The following NXNL1 variants were observed in gnomAD, a reference collection of about 807,000 sequenced individuals.
NXNL1 encodes nucleoredoxin like 1.
A neutral mutation model predicts 7.2 loss-of-function variants in NXNL1; 6 were observed. That is an observed-to-expected ratio of 0.83 (90% CI 0.46 to 1.64). The LOEUF is 1.64. Ranked by LOEUF, NXNL1 falls within the 40% of genes most tolerant of loss-of-function variation. The pLI is 0.01. For synonymous variants in NXNL1, 133 were observed against 127.2 expected (o/e 1.05, Z -0.31); for missense variants, 308 against 285.1 (o/e 1.08, Z -0.58).
intron 1 of NXNL1, among the ~76,000 whole-genome samples, chr19:17,456,851 A>C (rs373108491): frequency 2.6e-5 from 4 of 152,122 alleles, no homozygotes; most frequent in African/African-American, 9.6e-5. Context: ...GATCGAGACC[A>C]TCCTGGCTAA....
At chr19:17,456,307 C>CAAATAAAT (rs79711612) in intron 1 of NXNL1, among the ~76,000 whole-genome samples, 24,410 of 140,274 alleles carry the variant, frequency 0.17, 2,352 homozygotes, top group African/African-American at 0.22. Context: ...CCTGTCTCTA[C>CAAATAAAT]AAATAAATAA....
rs1377462851 is a variant in NXNL1, at chr19:17,455,651, A to G, written c.635T>C (p.Phe212Ser). 1.5e-6 allele frequency: 2 copies of G among 1,350,304 alleles called. No homozygotes were observed. The highest frequency in any genetic ancestry group is 2.0e-5 in the Admixed American group (1 of 49,852). The allele number at this position is 1,350,304 out of a possible 1,614,324, so 83.6% of individuals were successfully genotyped here. A position where few individuals can be genotyped will look rare whatever the true frequency, so the allele number is the denominator to read the frequency against. The change falls in exon 2 of 2, where the codon TTC becomes TCC. Residue 212 changes from phenylalanine to serine, a missense_variant. Phe to Ser is a radical substitution (Grantham distance 155). Transcript: ENST00000301944. Reference protein sequence around the residue: ...GGEEGGAGGLF With the variant: ...GGEEGGAGGLS Reference sequence around the variant, plus strand: ...CCTCTCCTCCACCCTAGCGGGTCAGAACAGCCCCCCGGCCCCGCCCTCCTC... The same window carrying G: ...CCTCTCCTCCACCCTAGCGGGTCAGGACAGCCCCCCGGCCCCGCCCTCCTC...
Position 17,455,808 on chromosome 19 carries a change from C to CCAG in NXNL1, c.475_477dup (p.Leu159dup). Reference sequence around the variant, plus strand: ...TCCTCTGGCAGCTGGAAGTTGCGGTCCAGCACCTCGGCCGCCTCCTGCCAG... The same window carrying CCAG: ...TCCTCTGGCAGCTGGAAGTTGCGGTCCAGCAGCACCTCGGCCGCCTCCTGCCAG... On this transcript the variant is annotated inframe_insertion, in exon 2 of 2. Transcript: ENST00000301944. 6.4e-7 allele frequency: 1 copy of CCAG among 1,570,680 alleles called. No individual in the cohort carries two copies.
chr19:17,455,668 G>GGGGCCCCC lies in NXNL1; in HGVS notation c.617_618insGGGGGCCC (p.Gly209ProfsTer58). On this transcript the variant is annotated frameshift_variant, in exon 2 of 2. Transcript: ENST00000301944. LOFTEE classifies it high-confidence loss of function. ...CGGGTCAGAACAGCCCCCCGGCCCC[G>GGGGCCCCC]CCCTCCTCCCCACCCCCTCCCCCGG... 1 of 330,284 alleles carries GGGGCCCCC rather than the reference G, an allele frequency of 3.0e-6. No individual in the cohort carries two copies. The highest frequency in any genetic ancestry group is 3.9e-5 in the South Asian group (1 of 25,716). 20.5% of individuals were successfully genotyped at this position (330,284 alleles called of 1,614,324 possible). A position where few individuals can be genotyped will look rare whatever the true frequency, so the allele number is the denominator to read the frequency against.
intron 1 of NXNL1, among the ~76,000 whole-genome samples, chr19:17,459,460 C>A (rs1175316962): frequency 2.6e-5 from 4 of 151,890 alleles, no homozygotes; most frequent in African/African-American, 9.7e-5. Flanking sequence ...CTCTGTTGCC[C>A]AGGCTGGAGT....
At chr19:17,458,596 A>ATTTTTTTT (rs34265338) in intron 1 of NXNL1, among the ~76,000 whole-genome samples, 17 of 87,842 alleles carry the variant, frequency 1.9e-4, no homozygotes, top group East Asian at 6.2e-4. Flanking sequence ...GATCTTTTTA[A>ATTTTTTTT]TTTTTTTTTT....
At chr19:17,457,999 T>G (rs1347462030) in intron 1 of NXNL1, among the ~76,000 whole-genome samples, 3 of 152,162 alleles carry the variant, frequency 2.0e-5, no homozygotes, top group Non-Finnish European at 4.4e-5. Context: ...CAACTCACTT[T>G]CAAATAATTT....
At chr19:17,458,243 A>G (rs56075989) in intron 1 of NXNL1, among the ~76,000 whole-genome samples, 28,656 of 119,810 alleles carry the variant, frequency 0.24, 3,140 homozygotes, top group Middle Eastern at 0.31. Flanking sequence ...TTTTTGTGAC[A>G]TAGTCTCGCT....
In NXNL1 at chr19:17,455,663, G is replaced by GCCCCCCCCCCCACCCCCCCCCCCCCCCC; in HGVS notation, c.622_623insGGGGGGGGGGGGGGGGTGGGGGGGGGGG (p.Ala208GlyfsTer18). The GCCCCCCCCCCCACCCCCCCCCCCCCCCC allele has an allele frequency of 2.6e-6, 2 of 771,714 alleles. No individual in the cohort carries two copies. The highest frequency in any genetic ancestry group is 4.3e-6 in the Non-Finnish European group (2 of 464,466). The allele number at this position is 771,714 out of a possible 1,614,324, so 47.8% of individuals were successfully genotyped here. ...CCTAGCGGGTCAGAACAGCCCCCCG[G>GCCCCCCCCCCCACCCCCCCCCCCCCCCC]CCCCGCCCTCCTCCCCACCCCCTCC... On this transcript the variant is annotated frameshift_variant, in exon 2 of 2. Coordinates refer to ENST00000301944, the MANE Select transcript of NXNL1 (RefSeq NM_138454.2). LOFTEE classifies it high-confidence loss of function.
chr19:17,456,097 G>A (rs772931937), intron 1 of NXNL1, 138 bp from the exon 2 acceptor site: 801 of 1,444,134 alleles, frequency 5.5e-4, no homozygotes, highest in Non-Finnish European at 7.0e-4. Context: ...AGGTGCACAC[G>A]AGGACCGGGA....
intron 1 of NXNL1, among the ~76,000 whole-genome samples, chr19:17,457,965 A>G (rs1306320575): frequency 6.6e-6 from 1 of 152,202 alleles, no homozygotes; most frequent in Non-Finnish European, 1.5e-5. Context: ...AAGGCATGAC[A>G]TTGGGAAAAT....
chr19:17,459,024 G>A (rs906227626), intron 1 of NXNL1, among the ~76,000 whole-genome samples: 3 of 151,706 alleles, frequency 2.0e-5, no homozygotes, highest in Admixed American at 6.6e-5. Context: ...GCCTCCAAAA[G>A]TGCTGGGATT....
chr19:17,458,316 T>G (rs1427524731), intron 1 of NXNL1, among the ~76,000 whole-genome samples: 1 of 147,690 alleles, frequency 6.8e-6, no homozygotes, highest in East Asian at 2.0e-4. Flanking sequence ...ACCTCCCGGG[T>G]TCACACCATT....
At chr19:17,458,454 C>T (rs777844657) in intron 1 of NXNL1, among the ~76,000 whole-genome samples, 113 of 151,646 alleles carry the variant, frequency 7.5e-4, no homozygotes, top group Non-Finnish European at 1.1e-3. Context: ...GTGATCCGCC[C>T]GCCTCGGCCT....
At position 17,455,679 on chromosome 19, in the gene NXNL1, C is replaced by CCTCCCCCG; in HGVS notation, c.606_607insCGGGGGAG (p.Gly203ArgfsTer64). The CCTCCCCCG allele has an allele frequency of 6.9e-7, 1 of 1,443,088 alleles. No homozygotes were observed. The highest frequency in any genetic ancestry group is 9.4e-7 in the Non-Finnish European group (1 of 1,068,908). 89.4% of individuals were successfully genotyped at this position (1,443,088 alleles called of 1,614,324 possible). ...AGCCCCCCGGCCCCGCCCTCCTCCC[C>CCTCCCCCG]ACCCCCTCCCCCGGGGTCGCGCCCG... is the stretch of plus-strand genomic sequence containing the variant. On this transcript the variant is annotated frameshift_variant, in exon 2 of 2. Coordinates refer to ENST00000301944, the MANE Select transcript of NXNL1 (RefSeq NM_138454.2). LOFTEE classifies it high-confidence loss of function.
intron 1 of NXNL1, among the ~76,000 whole-genome samples, chr19:17,459,411 TTTTTTATTTTTTA>T (rs894801781): frequency 1.2e-5 from 1 of 85,022 alleles, no homozygotes; most frequent in African/African-American, 4.0e-5. Context: ...ATTTATTACA[TTTTTTATTTTTTA>T]TTTTTATTTT....
Position 17,455,663 on chromosome 19 carries a change from G to GCCCCCCCCCCCCCCCCCCCCCCCCCCCC in NXNL1, c.622_623insGGGGGGGGGGGGGGGGGGGGGGGGGGGG (p.Ala208GlyfsTer18). The GCCCCCCCCCCCCCCCCCCCCCCCCCCCC allele has an allele frequency of 2.5e-5, 19 of 771,700 alleles. No individual in the cohort carries two copies. Among genetic ancestry groups the GCCCCCCCCCCCCCCCCCCCCCCCCCCCC allele is most frequent in the Non-Finnish European group, 3.0e-5 (14 of 464,458 alleles). 47.8% of individuals were successfully genotyped at this position (771,700 alleles called of 1,614,324 possible). ...CCTAGCGGGTCAGAACAGCCCCCCG[G>GCCCCCCCCCCCCCCCCCCCCCCCCCCCC]CCCCGCCCTCCTCCCCACCCCCTCC... On this transcript the variant is annotated frameshift_variant, in exon 2 of 2. Transcript: ENST00000301944. LOFTEE classifies it high-confidence loss of function.
chr19:17,455,679 C>CAA lies in NXNL1; in HGVS notation c.606_607insTT (p.Gly203LeufsTer62). ...AGCCCCCCGGCCCCGCCCTCCTCCC[C>CAA]ACCCCCTCCCCCGGGGTCGCGCCCG... is the stretch of plus-strand genomic sequence containing the variant. On this transcript the variant is annotated frameshift_variant, in exon 2 of 2. Transcript: ENST00000301944. LOFTEE classifies it high-confidence loss of function. The CAA allele has an allele frequency of 6.9e-7, 1 of 1,443,088 alleles. No homozygotes were observed. Among genetic ancestry groups the CAA allele is most frequent in the Non-Finnish European group, 9.4e-7 (1 of 1,068,908 alleles). The allele number at this position is 1,443,088 out of a possible 1,614,324, so 89.4% of individuals were successfully genotyped here.
At position 17,460,469 on chromosome 19, in the gene NXNL1, C is replaced by T. The variant is rs140751875; in HGVS notation, c.326+75G>A. 4.5e-4 allele frequency: 663 copies of T among 1,489,346 alleles called. 7 individuals are homozygous for T. In the Middle Eastern group the frequency reaches 6.9e-3, roughly 16 times the overall value. The allele number at this position is 1,489,346 out of a possible 1,614,324, so 92.3% of individuals were successfully genotyped here. On this transcript the variant is annotated intron_variant, in intron 1 of 1. Transcript: ENST00000301944. The stretch of plus-strand genomic sequence containing the variant: ...CTGGCACACAGGGGCTGCTCATTCA[C>T]TCTAGTTAGAATGGATGCTTCACTT...
Sources: allele counts gnomAD v4.1 joint callset (sites outside exome capture counted in the v4.1 genomes callset), GRCh38; gene constraint gnomAD v4.1.1; transcripts MANE v1.5; gene names NCBI Gene and HGNC (gene_info 2026-07-23, HGNC 2026-07-21).